Variants in LIPT1 observed in about 807,000 individuals in gnomAD.
LIPT1 encodes lipoyltransferase 1.
LIPT1 carries 22 observed loss-of-function variants against 25.1 expected under a neutral mutation model. The observed-to-expected ratio is 0.88, with a 90% CI of 0.63 to 1.25. The LOEUF (loss-of-function observed/expected upper bound fraction) is 1.25, where lower values mean the gene tolerates loss of function less well. Ranked by LOEUF, LIPT1 falls within the 50% of genes most tolerant of loss-of-function variation. The pLI is 0.00. For synonymous variants in LIPT1, 131 were observed against 150.8 expected (o/e 0.87, Z 0.96); for missense variants, 399 against 432.8 (o/e 0.92, Z 0.69).
intron 1 of LIPT1, among the ~76,000 whole-genome samples, chr2:99,157,577 AATAG>A (rs1348491017): frequency 3.9e-5 from 6 of 152,220 alleles, no homozygotes; most frequent in Non-Finnish European, 5.9e-5. Flanking sequence ...GATACTGTTT[AATAG>A]ATCCTTTTCA....
chr2:99,161,239 G>A (rs1164178129), intron 1 of LIPT1, among the ~76,000 whole-genome samples: 15 of 107,072 alleles, frequency 1.4e-4, no homozygotes, highest in Admixed American at 2.5e-4. Context: ...GTGACAGGGC[G>A]AGACTCCGTC....
intron 1 of LIPT1, 85 bp from the exon 2 acceptor site, chr2:99,161,872 A>AAGTCT (rs1209917737): frequency 2.4e-6 from 3 of 1,252,168 alleles, no homozygotes; most frequent in Non-Finnish European, 3.3e-6. Context: ...GTTTGGATTA[A>AAGTCT]ATAACCGATA....
chr2:99,157,419 T>C (rs1424814239), intron 1 of LIPT1, among the ~76,000 whole-genome samples: 1 of 152,178 alleles, frequency 6.6e-6, no homozygotes, highest in Non-Finnish European at 1.5e-5. Flanking sequence ...ATCTATTGCA[T>C]CTTAAGTCCT....
At chr2:99,156,945 A>T (rs2093760420) in intron 1 of LIPT1, 1 of 152,228 alleles carries the variant, frequency 6.6e-6, no homozygotes, top group Non-Finnish European at 1.5e-5. Context: ...CACAGAATAG[A>T]GATGGGAAAG....
chr2:99,157,201 G>A (rs746473340), intron 1 of LIPT1, among the ~76,000 whole-genome samples: 5 of 152,092 alleles, frequency 3.3e-5, no homozygotes, highest in Non-Finnish European at 5.9e-5. Flanking sequence ...CTTAATCTTG[G>A]GAAAAGATAT....
chr2:99,155,510 T>G (rs950148626), intron 1 of LIPT1: 6 of 455,902 alleles, frequency 1.3e-5, no homozygotes, highest in African/African-American at 1.2e-4. Flanking sequence ...TGTTTGGCAG[T>G]GCAGAGGTAG....
Position 99,162,736 on chromosome 2 carries a change from A to G in LIPT1, c.779A>G (p.Asn260Ser), listed in dbSNP as rs1277039483. 1.9e-6 allele frequency: 3 copies of G among 1,614,226 alleles called. No homozygotes were observed. The Admixed American group carries it at 5.0e-5, about 27-fold the overall frequency. Residue 260 changes from asparagine to serine, a missense_variant, in exon 2 of 2, where the codon AAT (asparagine) becomes AGT (serine). By Grantham distance (46) the Asn-to-Ser change is conservative. Transcript: ENST00000651691. ...PTDETLFPGI[N>S]SKAKELQTWE... is the part of the protein sequence containing the mutation. Reference sequence around the variant, plus strand: ...GATGAGACACTGTTTCCTGGAATAAATAGCAAAGCCAAAGAACTGCAAACT... The same window carrying G: ...GATGAGACACTGTTTCCTGGAATAAGTAGCAAAGCCAAAGAACTGCAAACT...
chr2:99,157,680 T>C lies in LIPT1; in HGVS notation c.-2+2629T>C, dbSNP rs1471937380. Among the ~76,000 whole-genome samples the C allele has an allele frequency of 5.9e-5, 9 of 152,188 alleles. No individual in the cohort carries two copies. The East Asian group carries it at 1.7e-3, about 29-fold the overall frequency. On this transcript the variant is annotated intron_variant, in intron 1 of 1. Coordinates refer to ENST00000651691, the MANE Select transcript of LIPT1 (RefSeq NM_145199.3). ...CTTCCATAATAGCATATTTAAAATT[T>C]TTCTGCCTTTTCTTCTATCCTCAGC... is the stretch of plus-strand genomic sequence containing the variant.
At chr2:99,161,873 A>T (rs1025928758) in intron 1 of LIPT1, 84 bp from the exon 2 acceptor site, 2 of 1,257,016 alleles carry the variant, frequency 1.6e-6, no homozygotes, top group African/African-American at 3.0e-5. Context: ...TTTGGATTAA[A>T]TAACCGATAA....
Position 99,155,000 on chromosome 2 carries a change from A to G in LIPT1, c.-53A>G, listed in dbSNP as rs753194024. ...CCGGTTGCTCGGGGTCGTATGACGC[A>G]CTTTTCCAGCTCGAGCCCTCACGAG... On this transcript the variant is annotated 5_prime_UTR_variant, in exon 1 of 2. Transcript: ENST00000651691. The G allele has an allele frequency of 2.4e-5, 11 of 455,860 alleles. No homozygotes were observed. The East Asian group carries it at 5.6e-4, about 23-fold the overall frequency. 28.2% of individuals were successfully genotyped at this position (455,860 alleles called of 1,614,324 possible). A position where few individuals can be genotyped will look rare whatever the true frequency, so the allele number is the denominator to read the frequency against.
At chr2:99,155,699 A>G (rs541285245) in intron 1 of LIPT1, among the ~76,000 whole-genome samples, 3 of 152,344 alleles carry the variant, frequency 2.0e-5, no homozygotes, top group African/African-American at 4.8e-5. Flanking sequence ...AATACCGTGC[A>G]TTACTCAGTC....
At chr2:99,155,384 T>C in intron 1 of LIPT1, 1 of 426,308 alleles carries the variant, frequency 2.3e-6, no homozygotes, top group Non-Finnish European at 4.6e-6. Flanking sequence ...TTGTATATCA[T>C]TAGAGAGGGG....
intron 1 of LIPT1, chr2:99,156,719 G>A (rs1359919755): frequency 6.6e-6 from 1 of 152,200 alleles, no homozygotes; most frequent in Non-Finnish European, 1.5e-5. Flanking sequence ...TACAATACCT[G>A]GATGAAGAGA....
At chr2:99,155,142 C>T in intron 1 of LIPT1, 91 bp downstream of exon 1, 1 of 442,188 alleles carries the variant, frequency 2.3e-6, no homozygotes, top group South Asian at 1.6e-5. Flanking sequence ...GTGTTTCTGG[C>T]GGTGGGTCAG....
chr2:99,161,315 T>TATATATATAAAA (rs2093790108), intron 1 of LIPT1: 1 of 90,206 alleles, frequency 1.1e-5, no homozygotes, highest in African/African-American at 4.7e-5. Context: ...TATATATATA[T>TATATATATAAAA]ATATATATAT....
chr2:99,162,813 C>A lies in LIPT1; in HGVS notation c.856C>A (p.His286Asn). The change falls in exon 2 of 2, where the codon CAT (histidine) becomes AAT (asparagine). Residue 286 changes from histidine (H) to asparagine (N), a missense_variant. By Grantham distance (68) the His-to-Asn change is moderately conservative. Transcript: ENST00000651691. The part of the protein sequence containing the change: ...TPKFSINTSF[H>N]VLYEQSHLEI... ...AAAGTTTAGTATAAATACTTCCTTT[C>A]ATGTGTTATATGAACAGTCACACTT... 3.1e-6 allele frequency: 5 copies of A among 1,614,026 alleles called. No individual in the cohort carries two copies. The highest frequency in any genetic ancestry group is 4.2e-6 in the Non-Finnish European group (5 of 1,179,938).
chr2:99,156,897 A>G (rs1210357004), intron 1 of LIPT1: 5 of 152,256 alleles, frequency 3.3e-5, no homozygotes, highest in Non-Finnish European at 5.9e-5. Flanking sequence ...ATCTTTGTTC[A>G]CTTGAGGGAA....
chr2:99,161,944 C>A lies in LIPT1; in HGVS notation c.-1-13C>A. On this transcript the variant is annotated splice_polypyrimidine_tract_variant and intron_variant, in intron 1 of 1. Coordinates refer to ENST00000651691, the MANE Select transcript of LIPT1 (RefSeq NM_145199.3). ...CTCGATGAATTAATTTGTTTGTCTT[C>A]CATTTTTAAAAGCATGCTGATCCCA... 1 of 1,556,846 alleles carries A rather than the reference C, an allele frequency of 6.4e-7. No individual in the cohort carries two copies. The highest frequency in any genetic ancestry group is 8.7e-7 in the Non-Finnish European group (1 of 1,152,290).
chr2:99,158,340 T>G (rs1251878464), intron 1 of LIPT1, among the ~76,000 whole-genome samples: 1 of 147,546 alleles, frequency 6.8e-6, no homozygotes, highest in East Asian at 2.0e-4. Context: ...ATGCCTGTAA[T>G]CCGAGTGCTT....
Sources: allele counts gnomAD v4.1 joint callset (sites outside exome capture counted in the v4.1 genomes callset), GRCh38; gene constraint gnomAD v4.1.1; transcripts MANE v1.5; gene names NCBI Gene and HGNC (gene_info 2026-07-23, HGNC 2026-07-21).